PKD1L1: variants seen among roughly 807,000 people sequenced by gnomAD.
PKD1L1 encodes polycystin-1-like protein 1.
A neutral mutation model predicts 323.4 loss-of-function variants in PKD1L1; 236 were observed. The ratio of observed to expected loss-of-function variants is 0.73; its 90% CI spans 0.66 to 0.81. The LOEUF (loss-of-function observed/expected upper bound fraction) is 0.81. Among genes scored for constraint, PKD1L1 ranks in the 40% least tolerant of loss-of-function variants. The pLI, the probability that PKD1L1 is intolerant of heterozygous loss-of-function variation, is 0.00. For synonymous variants in PKD1L1, 1,344 were observed against 1,335.0 expected (o/e 1.01, Z -0.15); for missense variants, 3,320 against 3,508.0 (o/e 0.95, Z 1.35).
chr7:47,801,714 C>T (rs1356489600), intron 53 of PKD1L1, among the ~76,000 whole-genome samples: 1 of 152,206 alleles, frequency 6.6e-6, no homozygotes. Context: ...TAAGTGAAAT[C>T]AGACATCAGT....
At position 47,881,436 on chromosome 7, in the gene PKD1L1, C is replaced by T. The variant is rs117889213; in HGVS notation, c.3442+473G>A. 2.0e-4 allele frequency among the ~76,000 whole-genome samples: 31 copies of T among 152,254 alleles called. 1 individual carries two copies. The East Asian group carries it at 6.0e-3, about 29-fold the overall frequency. On this transcript the variant is annotated intron_variant, in intron 20 of 56. Coordinates refer to ENST00000289672, the MANE Select transcript of PKD1L1 (RefSeq NM_138295.5). The stretch of plus-strand genomic sequence containing the variant: ...AATAGTGTGAAATCCAGATCCTCCC[C>T]AAGAGGTCTGTAAGGATGGCACAAT...
chr7:47,828,173 T>C (rs1785273040), intron 44 of PKD1L1, among the ~76,000 whole-genome samples: 1 of 152,008 alleles, frequency 6.6e-6, no homozygotes, highest in Non-Finnish European at 1.5e-5. Flanking sequence ...GGCGGAGAGA[T>C]CCGTGGGGAG....
rs1182478084 is a variant in PKD1L1 at position 47,855,674 on chromosome 7, A to C, written c.4591-409T>G. 8.7e-5 allele frequency among the ~76,000 whole-genome samples: 12 copies of C among 137,926 alleles called. 1 individual carries two copies. The highest frequency in any genetic ancestry group is 1.5e-5 in the Non-Finnish European group (1 of 64,760). The allele number at this position is 137,926 out of a possible 152,430, so 90.5% of individuals were successfully genotyped here. A position where few individuals can be genotyped will look rare whatever the true frequency, so the allele number is the denominator to read the frequency against. On this transcript the variant is annotated intron_variant, in intron 28 of 56. Coordinates refer to ENST00000289672, the MANE Select transcript of PKD1L1 (RefSeq NM_138295.5). ...GGCGGATCACGAGGTCAGGAGATCG[A>C]GACCATCCCGGCTATAACGGTGAAA...
chr7:47,796,292 G>T, intron 54 of PKD1L1, 142 bp from the exon 55 acceptor site: 2 of 797,686 alleles, frequency 2.5e-6, no homozygotes, highest in Non-Finnish European at 3.7e-6. Context: ...ATTTCTTGGT[G>T]AAAAAAAGCA....
At chr7:47,939,922 C>T (rs1787949637) in intron 3 of PKD1L1, among the ~76,000 whole-genome samples, 2 of 152,152 alleles carry the variant, frequency 1.3e-5, no homozygotes, top group Admixed American at 1.3e-4. Context: ...CCCCCACTCC[C>T]CACCTGAGGG....
At chr7:47,873,827 C>G in intron 24 of PKD1L1, 72 bp downstream of exon 24, 1 of 1,201,234 alleles carries the variant, frequency 8.3e-7, no homozygotes, top group Non-Finnish European at 1.2e-6. Flanking sequence ...TTGTTAACAA[C>G]TTGGGGGAGA....
intron 6 of PKD1L1, among the ~76,000 whole-genome samples, chr7:47,929,739 A>C (rs933701962): frequency 6.6e-6 from 1 of 152,098 alleles, no homozygotes; most frequent in Non-Finnish European, 1.5e-5. Flanking sequence ...CAAATTCTTG[A>C]CCCACCCCTG....
intron 15 of PKD1L1, among the ~76,000 whole-genome samples, chr7:47,891,534 TG>T (rs1786818571): frequency 6.6e-6 from 1 of 152,236 alleles, no homozygotes; most frequent in African/African-American, 2.4e-5. Flanking sequence ...GAACTGATAT[TG>T]ATCTTTTAAA....
At chr7:47,805,005 C>T (rs1326049798) in intron 52 of PKD1L1, among the ~76,000 whole-genome samples, 1 of 151,848 alleles carries the variant, frequency 6.6e-6, no homozygotes, top group African/African-American at 2.4e-5. Flanking sequence ...TGAGTAATTG[C>T]CATTATTATG....
chr7:47,931,875 T>G, intron 5 of PKD1L1, 61 bp downstream of exon 5: 2 of 1,566,330 alleles, frequency 1.3e-6, no homozygotes. Context: ...CTCCCCCATA[T>G]GCATCAGATG....
chr7:47,780,066 C>T (rs1786656659), intron 56 of PKD1L1, among the ~76,000 whole-genome samples: 1 of 152,016 alleles, frequency 6.6e-6, no homozygotes, highest in Non-Finnish European at 1.5e-5. Context: ...TGTAGATTCA[C>T]ACACAGTTGT....
rs544278148 is a variant in PKD1L1 at position 47,897,607 on chromosome 7, G to A, written c.2271+381C>T. Among the ~76,000 whole-genome samples, 88 of 152,338 alleles carry A rather than the reference G, an allele frequency of 5.8e-4. 6 individuals are homozygous for A. In the South Asian group the frequency reaches 0.017, roughly 30 times the overall value. ...TCAAAGTGCCAGGCAGTCACCGTGA[G>A]TGCCTCTTGGATGCCCTGCCCTCTG... On this transcript the variant is annotated intron_variant, in intron 14 of 56. Transcript: ENST00000289672.
intron 6 of PKD1L1, 29 bp downstream of exon 6, chr7:47,931,073 GGT>G: frequency 6.3e-7 from 1 of 1,593,026 alleles, no homozygotes; most frequent in Non-Finnish European, 8.6e-7. Context: ...TTGGAGAAGT[GGT>G]GCTGGCCTCC....
intron 48 of PKD1L1, 105 bp downstream of exon 48, chr7:47,813,826 A>T (rs1784956191): frequency 1.0e-6 from 1 of 958,730 alleles, no homozygotes; most frequent in Non-Finnish European, 1.6e-6. Flanking sequence ...TTACCACTGA[A>T]CTCACAGAGA....
chr7:47,790,623 A>G (rs964679232), intron 56 of PKD1L1, among the ~76,000 whole-genome samples: 1 of 152,070 alleles, frequency 6.6e-6, no homozygotes, highest in Non-Finnish European at 1.5e-5. Flanking sequence ...GAGTCACCGC[A>G]CCGGGCCATA....
chr7:47,816,629 C>G (rs1785025475), intron 46 of PKD1L1, among the ~76,000 whole-genome samples: 1 of 152,184 alleles, frequency 6.6e-6, no homozygotes, highest in African/African-American at 2.4e-5. Flanking sequence ...GCTGTTTCAT[C>G]CAGGTTTCTC....
intron 21 of PKD1L1, among the ~76,000 whole-genome samples, chr7:47,878,692 C>A (rs553827174): frequency 6.6e-6 from 1 of 152,224 alleles, no homozygotes; most frequent in Admixed American, 6.5e-5. Flanking sequence ...TTATACTGGG[C>A]TTAGGAAGGG....
intron 45 of PKD1L1, 47 bp downstream of exon 45, chr7:47,827,303 A>C (rs906753550): frequency 6.8e-7 from 1 of 1,464,778 alleles, no homozygotes; most frequent in Non-Finnish European, 9.3e-7. Flanking sequence ...CCCTCCGAGA[A>C]GGGAGCTGGA....
chr7:47,876,167 AGT>A lies in PKD1L1; in HGVS notation c.3712_3713del (p.Thr1238PhefsTer17). The A allele has an allele frequency of 6.2e-7, 1 of 1,614,174 alleles. No individual in the cohort carries two copies. The highest frequency in any genetic ancestry group is 8.5e-7 in the Non-Finnish European group (1 of 1,180,004). ...ACTGGGTGTCTCTCCCATGGTACAA[AGT>A]GTGTTTGGAGGTGTTTCCTATCTGG... ...SYQIGNTSKH[T>X]LYHGRDTQYY... On this transcript the variant is annotated frameshift_variant, in exon 23 of 57. Coordinates refer to ENST00000289672, the MANE Select transcript of PKD1L1 (RefSeq NM_138295.5). LOFTEE classifies it high-confidence loss of function.
Sources: allele counts gnomAD v4.1 joint callset (sites outside exome capture counted in the v4.1 genomes callset), GRCh38; gene constraint gnomAD v4.1.1; transcripts MANE v1.5; gene names NCBI Gene and HGNC (gene_info 2026-07-23, HGNC 2026-07-21).